PUDP: variants seen among roughly 807,000 people sequenced by gnomAD.
The protein encoded by PUDP is pseudouridine-5'-phosphatase.
In PUDP, 8 loss-of-function variants were observed where a neutral mutation model predicts 9.4. The ratio of observed to expected loss-of-function variants is 0.85; its 90% CI spans 0.50 to 1.53. The LOEUF (loss-of-function observed/expected upper bound fraction) is 1.53. PUDP is among the 40% of genes most tolerant of loss of function. PUDP has a pLI of 0.00. For synonymous variants in PUDP, 99 were observed against 80.7 expected (o/e 1.23, Z -1.22); for missense variants, 188 against 189.7 (o/e 0.99, Z 0.05).
chrX:6,839,528 A>G (rs900089272), intron 3 of PUDP, among the ~76,000 whole-genome samples: 1 of 111,999 alleles, frequency 8.9e-6, no homozygotes, highest in African/African-American at 3.2e-5. Flanking sequence ...TTGTGAGTCA[A>G]TGAAAGTTGT....
At chrX:6,918,919 C>T (rs2146762184) in intron 3 of PUDP, among the ~76,000 whole-genome samples, 1 of 112,252 alleles carries the variant, frequency 8.9e-6, no homozygotes, top group South Asian at 3.7e-4. Context: ...ATACATTTAT[C>T]ATTCAAATTC....
chrX:6,929,923 T>C (rs1928162994), intron 3 of PUDP, among the ~76,000 whole-genome samples: 1 of 111,435 alleles, frequency 9.0e-6, no homozygotes, highest in Non-Finnish European at 1.9e-5. Flanking sequence ...GCTTATCCTT[T>C]CATATGATAG....
intron 3 of PUDP, among the ~76,000 whole-genome samples, chrX:7,076,566 C>G (rs756407369): frequency 1.8e-5 from 2 of 111,685 alleles, no homozygotes; most frequent in South Asian, 7.6e-4. Flanking sequence ...AACGCTCTGC[C>G]CAGGTCACCT....
intron 1 of PUDP, among the ~76,000 whole-genome samples, chrX:7,028,893 G>C (rs1929755889): frequency 9.0e-6 from 1 of 111,565 alleles, no homozygotes; most frequent in East Asian, 2.8e-4. Context: ...TCTCTCCTGG[G>C]CTTGGAGATG....
chrX:6,830,635 A>G (rs1602637429), intron 3 of PUDP, among the ~76,000 whole-genome samples: 1 of 112,058 alleles, frequency 8.9e-6, no homozygotes, highest in Admixed American at 9.5e-5. Flanking sequence ...GGAGAAACAC[A>G]AAGAAAAATT....
chrX:7,069,848 A>G (rs904769645), intron 3 of PUDP, among the ~76,000 whole-genome samples: 2 of 111,676 alleles, frequency 1.8e-5, no homozygotes, highest in Non-Finnish European at 3.8e-5. Context: ...TTATAAAACT[A>G]TCTTATCCAC....
intron 3 of PUDP, among the ~76,000 whole-genome samples, chrX:6,819,990 G>A (rs769354271): frequency 1.4e-4 from 15 of 104,138 alleles, no homozygotes; most frequent in Admixed American, 2.0e-4. Flanking sequence ...TATTTTTTTC[G>A]CCATAAATTT....
intron 3 of PUDP, among the ~76,000 whole-genome samples, chrX:6,878,091 T>C (rs1391362018): frequency 8.9e-6 from 1 of 112,360 alleles, no homozygotes; most frequent in Non-Finnish European, 1.9e-5. Context: ...ATTGGCATGG[T>C]ATATTGGAGA....
chrX:6,910,400 T>C (rs1176067804), intron 3 of PUDP, among the ~76,000 whole-genome samples: 1 of 111,680 alleles, frequency 9.0e-6, no homozygotes, highest in Non-Finnish European at 1.9e-5. Context: ...AAAAGTTGAG[T>C]ACAACCAACC....
At chrX:6,867,912 G>A (rs1440145509) in intron 3 of PUDP, among the ~76,000 whole-genome samples, 1 of 111,567 alleles carries the variant, frequency 9.0e-6, no homozygotes, top group African/African-American at 3.3e-5. Context: ...GGCAAGAAAG[G>A]GTGAGAGCAA....
intron 1 of PUDP, among the ~76,000 whole-genome samples, chrX:7,001,174 ATTTTT>A (rs1331962511): frequency 9.0e-6 from 1 of 110,561 alleles, no homozygotes; most frequent in Non-Finnish European, 1.9e-5. Context: ...TAGAACATAT[ATTTTT>A]TAGAAAATAG....
intron 3 of PUDP, among the ~76,000 whole-genome samples, chrX:6,803,901 T>C (rs773248326): frequency 8.9e-6 from 1 of 111,746 alleles, no homozygotes; most frequent in Admixed American, 9.5e-5. Flanking sequence ...TTTTGTGCTA[T>C]TTTAATTATA....
chrX:7,105,548 C>T (rs1931854223), intron 2 of PUDP, 72 bp downstream of exon 2: 4 of 801,922 alleles, frequency 5.0e-6, no homozygotes, highest in Admixed American at 3.3e-5. Flanking sequence ...CTATGCTAGA[C>T]TTTAAAGGTG....
chrX:6,727,851 C>T (rs1252632026), intron 3 of PUDP, among the ~76,000 whole-genome samples: 2 of 111,291 alleles, frequency 1.8e-5, no homozygotes, highest in East Asian at 2.8e-4. Flanking sequence ...TTCAAGCTAT[C>T]GATGTCACTG....
intron 3 of PUDP, among the ~76,000 whole-genome samples, chrX:6,789,870 AGAT>A (rs1925712829): frequency 9.1e-6 from 1 of 109,298 alleles, no homozygotes; most frequent in East Asian, 2.9e-4. Flanking sequence ...GACGATTGAT[AGAT>A]GATAGATATA....
chrX:6,770,468 G>T (rs1394489861), intron 3 of PUDP, among the ~76,000 whole-genome samples: 2 of 112,370 alleles, frequency 1.8e-5, no homozygotes, highest in Non-Finnish European at 3.8e-5. Context: ...GGAGCCAGAA[G>T]CCTTGGTTTT....
intron 3 of PUDP, among the ~76,000 whole-genome samples, chrX:6,840,691 C>G (rs1639946445): frequency 9.0e-6 from 1 of 111,031 alleles, no homozygotes; most frequent in Non-Finnish European, 1.9e-5. Flanking sequence ...TATTATCCAT[C>G]TGCCAAACCC....
chrX:7,061,001 G>A (rs192755825), intron 3 of PUDP, among the ~76,000 whole-genome samples: 1 of 111,878 alleles, frequency 8.9e-6, no homozygotes, highest in Non-Finnish European at 1.9e-5. Flanking sequence ...AGGGGCGTGA[G>A]CATATTCTCA....
chrX:6,840,817 T>A (rs1478042204), intron 3 of PUDP, among the ~76,000 whole-genome samples: 3 of 103,124 alleles, frequency 2.9e-5, no homozygotes, highest in African/African-American at 7.2e-5. Context: ...GTGGGGGATG[T>A]TGGTAATGGG....
Sources: gnomAD v4.1 joint callset for allele counts (sites outside exome capture counted in the v4.1 genomes callset) on GRCh38, gnomAD v4.1.1 for gene constraint, MANE v1.5 for transcripts, NCBI Gene and HGNC (gene_info 2026-07-23, HGNC 2026-07-21) for gene names.